TMEM121B: variants seen among roughly 807,000 people sequenced by gnomAD.
TMEM121B encodes the protein cat eye syndrome chromosome region, candidate 6.
Under a neutral mutation model 25.1 loss-of-function variants are expected in TMEM121B, and 14 were observed. The observed-to-expected ratio is 0.56, with a 90% CI of 0.37 to 0.87. The LOEUF is 0.87. Among genes scored for constraint, TMEM121B ranks in the 40% least tolerant of loss-of-function variants. The pLI is 0.00. For synonymous variants in TMEM121B, 458 were observed against 420.9 expected (o/e 1.09, Z -1.08); for missense variants, 850 against 854.6 (o/e 0.99, Z 0.07).
rs1244102190 is a variant in TMEM121B at position 17,119,967 on chromosome 22, G to C, written c.1161C>G (p.Pro387=). ...AGCATCCGGCCGCGCGGTGCCGCTG[G>C]GGCTGCAGCAGCAGGGGTCCTGCCG... is the stretch of plus-strand genomic sequence containing the variant. The part of the protein sequence containing the change: ...PGSAGPLLLQ[P]QRHRAAGCFL... Residue 387 remains proline, a synonymous_variant, in exon 1 of 1, where the codon CCC becomes CCG. Transcript: ENST00000331437. The C allele has an allele frequency of 6.9e-6, 11 of 1,585,210 alleles. No individual in the cohort carries two copies. Among genetic ancestry groups the C allele is most frequent in the Admixed American group, 1.8e-5 (1 of 57,092 alleles).
At position 17,121,110 on chromosome 22, in the gene TMEM121B, G is replaced by A. The variant is rs918592406; in HGVS notation, c.18C>T (p.Gly6=). 6 of 1,403,376 alleles carry A rather than the reference G, an allele frequency of 4.3e-6. No individual in the cohort carries two copies. The African/African-American group carries it at 6.0e-5, about 14-fold the overall frequency. The allele number at this position is 1,403,376 out of a possible 1,614,324, so 86.9% of individuals were successfully genotyped here. Residue 6 remains glycine (G), a synonymous_variant, in exon 1 of 1, where the codon GGC becomes GGT. Coordinates refer to ENST00000331437, the MANE Select transcript of TMEM121B (RefSeq NM_031890.4). MRPAL[G]HPRSVSSASG... ...ACGCGGAGGAGACCGAGCGAGGGTG[G>A]CCGAGCGCCGGGCGCATTGTCCTCC...
At position 17,120,942 on chromosome 22, in the gene TMEM121B, G is replaced by A. The variant is rs1192243242; in HGVS notation, c.186C>T (p.Gly62=). 2 of 1,411,224 alleles carry A rather than the reference G, an allele frequency of 1.4e-6. No homozygotes were observed. Among genetic ancestry groups the A allele is most frequent in the Non-Finnish European group, 1.8e-6 (2 of 1,084,318 alleles). 87.4% of individuals were successfully genotyped at this position (1,411,224 alleles called of 1,614,324 possible). Reference sequence around the variant, plus strand: ...TGCTGCTCGGGGAGCCGCCGCCCCCGCCGCGTCTGCCGCCGCCTCCCCCGC... The same window carrying A: ...TGCTGCTCGGGGAGCCGCCGCCCCCACCGCGTCTGCCGCCGCCTCCCCCGC... ...TSRGGGGGRR[G]GGGGSPSSST... is the part of the protein sequence containing the mutation. The change falls in exon 1 of 1, where the codon GGC becomes GGT. Residue 62 remains glycine (G), a synonymous_variant. Coordinates refer to ENST00000331437, the MANE Select transcript of TMEM121B (RefSeq NM_031890.4).
At position 17,121,299 on chromosome 22, in the gene TMEM121B, G is replaced by C. The variant is rs1425620817; in HGVS notation, c.-172C>G. On this transcript the variant is annotated 5_prime_UTR_variant, in exon 1 of 1. Transcript: ENST00000331437. Reference sequence around the variant, plus strand: ...CCGGACTGGAGCCACTGGACTGGGCGAGCCGGGCCGGGCGGCAGGGAGAGG... The same window carrying C: ...CCGGACTGGAGCCACTGGACTGGGCCAGCCGGGCCGGGCGGCAGGGAGAGG... The C allele has an allele frequency of 5.3e-6, 3 of 562,482 alleles. No homozygotes were observed. Among genetic ancestry groups the C allele is most frequent in the Non-Finnish European group, 7.8e-6 (3 of 383,264 alleles). 34.8% of individuals were successfully genotyped at this position (562,482 alleles called of 1,614,324 possible). A position where few individuals can be genotyped will look rare whatever the true frequency, so the allele number is the denominator to read the frequency against.
chr22:17,120,483 C>T lies in TMEM121B; in HGVS notation c.645G>A (p.Leu215=). ...VVLLLAQGGL[L]DLYLIAVTDL... ...CGGTGACGGCGATGAGGTACAGGTC[C>T]AGCAGGCCGCCCTGCGCCAGCAGCA... The change falls in exon 1 of 1, where the codon CTG becomes CTA. Residue 215 remains leucine (L), a synonymous_variant. Transcript: ENST00000331437. 2 of 1,584,356 alleles carry T rather than the reference C, an allele frequency of 1.3e-6. No homozygotes were observed. Among genetic ancestry groups the T allele is most frequent in the Non-Finnish European group, 1.7e-6 (2 of 1,169,520 alleles).
chr22:17,119,092 T>G lies in TMEM121B; in HGVS notation c.*299A>C. 3.0e-6 allele frequency: 1 copy of G among 338,716 alleles called. No homozygotes were observed. The highest frequency in any genetic ancestry group is 5.4e-6 in the Non-Finnish European group (1 of 184,426). The allele number at this position is 338,716 out of a possible 1,614,324, so 21.0% of individuals were successfully genotyped here. On this transcript the variant is annotated 3_prime_UTR_variant, in exon 1 of 1. Coordinates refer to ENST00000331437, the MANE Select transcript of TMEM121B (RefSeq NM_031890.4). Reference sequence around the variant, plus strand: ...CCAGCACCCCTCTCCTCCTAATGGATGGGAATTAGAGTGGAGGTGGGCAAA... The same window carrying G: ...CCAGCACCCCTCTCCTCCTAATGGAGGGGAATTAGAGTGGAGGTGGGCAAA...
In TMEM121B at chr22:17,120,329, G is replaced by A. The variant is rs1305883383; in HGVS notation, c.799C>T (p.His267Tyr). ...ASGAHNHHLH[H>Y]HHAAPPLHLP... ...TGCAGGGGCGGCGCGGCGTGGTGGTGGTGCAGGTGGTGGTTGTGCGCGCCG... is the reference window on the plus strand; with the variant it reads ...TGCAGGGGCGGCGCGGCGTGGTGGTAGTGCAGGTGGTGGTTGTGCGCGCCG... The change falls in exon 1 of 1, where the codon CAC becomes TAC. Residue 267 changes from histidine to tyrosine, a missense_variant. By Grantham distance (83) the His-to-Tyr change is moderately conservative (BLOSUM62 2). Transcript: ENST00000331437. The A allele has an allele frequency of 4.7e-6, 7 of 1,488,210 alleles. No homozygotes were observed. The East Asian group carries it at 8.2e-5, about 17-fold the overall frequency. The allele number at this position is 1,488,210 out of a possible 1,614,324, so 92.2% of individuals were successfully genotyped here. A position where few individuals can be genotyped will look rare whatever the true frequency, so the allele number is the denominator to read the frequency against.
Position 17,119,677 on chromosome 22 carries a change from A to AGCT in TMEM121B, c.1450_1451insAGC (p.Ala483_Leu484insGln), listed in dbSNP as rs1555876028. 4.5e-6 allele frequency: 7 copies of AGCT among 1,542,436 alleles called. No homozygotes were observed. Among genetic ancestry groups the AGCT allele is most frequent in the Admixed American group, 1.9e-5 (1 of 51,626 alleles). ...GTAGCTGACCACCAGGAGGCAGCGC[A>AGCT]GCGCCAGCAAGGGCACGTCCACCAG... On this transcript the variant is annotated inframe_insertion, in exon 1 of 1. Transcript: ENST00000331437.
rs2123828950 is a variant in TMEM121B at position 17,121,214 on chromosome 22, C to T, written c.-87G>A. The T allele has an allele frequency of 1.7e-6, 2 of 1,172,510 alleles. No homozygotes were observed. Among genetic ancestry groups the T allele is most frequent in the African/African-American group, 1.6e-5 (1 of 62,038 alleles). The allele number at this position is 1,172,510 out of a possible 1,614,324, so 72.6% of individuals were successfully genotyped here. On this transcript the variant is annotated 5_prime_UTR_variant, in exon 1 of 1. Transcript: ENST00000331437. ...AGGCGGGCTAGGCGGCCGAGGGGAG[C>T]CGGGGCCCGCCGCCTCCCCAGCAGT...
In TMEM121B at chr22:17,121,215, C is replaced by T. The variant is rs1413415276; in HGVS notation, c.-88G>A. 1 of 1,196,706 alleles carries T rather than the reference C, an allele frequency of 8.4e-7. No individual in the cohort carries two copies. The highest frequency in any genetic ancestry group is 1.1e-6 in the Non-Finnish European group (1 of 949,996). 74.1% of individuals were successfully genotyped at this position (1,196,706 alleles called of 1,614,324 possible). On this transcript the variant is annotated 5_prime_UTR_variant, in exon 1 of 1. Transcript: ENST00000331437. ...GGCGGGCTAGGCGGCCGAGGGGAGC[C>T]GGGGCCCGCCGCCTCCCCAGCAGTG... is the stretch of plus-strand genomic sequence containing the variant.
Position 17,118,872 on chromosome 22 carries a change from AG to A in TMEM121B, c.*518del, listed in dbSNP as rs1253054730. 1 of 154,000 alleles carries A rather than the reference AG, an allele frequency of 6.5e-6. No homozygotes were observed. Among genetic ancestry groups the A allele is most frequent in the Admixed American group, 6.5e-5 (1 of 15,280 alleles). 9.5% of individuals were successfully genotyped at this position (154,000 alleles called of 1,614,324 possible). ...TCCCCAGATCTCCTACCCATTGCAAAGGGCCACAGGGTGGACACGAGAAAAC... is the reference window on the plus strand; with the variant it reads ...TCCCCAGATCTCCTACCCATTGCAAAGGCCACAGGGTGGACACGAGAAAAC... On this transcript the variant is annotated 3_prime_UTR_variant, in exon 1 of 1. Transcript: ENST00000331437.
chr22:17,119,631 G>T lies in TMEM121B; in HGVS notation c.1497C>A (p.Phe499Leu). 6.5e-7 allele frequency: 1 copy of T among 1,541,824 alleles called. No homozygotes were observed. Residue 499 changes from phenylalanine to leucine, a missense_variant, in exon 1 of 1, where the codon TTC (phenylalanine) becomes TTA (leucine). Physicochemically the swap from Phe to Leu is conservative, Grantham distance 22. Transcript: ENST00000331437. Reference protein sequence around the residue: ...VVSYQQPLSIFMLKNLFFLGC... With the variant: ...VVSYQQPLSILMLKNLFFLGC... ...CGAGGAAGAAGAGGTTCTTGAGCAT[G>T]AAGATGGAGAGGGGCTGCTGGTAGC...
chr22:17,119,405 C>A lies in TMEM121B; in HGVS notation c.1723G>T (p.Ala575Ser), dbSNP rs1568929017. 1 of 1,601,502 alleles carries A rather than the reference C, an allele frequency of 6.2e-7. No individual in the cohort carries two copies. Among genetic ancestry groups the A allele is most frequent in the Non-Finnish European group, 8.5e-7 (1 of 1,174,212 alleles). Residue 575 changes from alanine to serine, a missense_variant, in exon 1 of 1, where the codon GCC (alanine) becomes TCC (serine). Coordinates refer to ENST00000331437, the MANE Select transcript of TMEM121B (RefSeq NM_031890.4). ...GCCCTTCACCCTCAATTCTGAGAGGCCACAGCCAGGGTGTTGACATAGCCA... is the reference window on the plus strand; with the variant it reads ...GCCCTTCACCCTCAATTCTGAGAGGACACAGCCAGGGTGTTGACATAGCCA... ...AHGYVNTLAV[A>S]SQN
Position 17,120,005 on chromosome 22 carries a change from C to T in TMEM121B, c.1123G>A (p.Ala375Thr), listed in dbSNP as rs371295778. 8.4e-5 allele frequency: 134 copies of T among 1,602,742 alleles called. No homozygotes were observed. The East Asian group carries it at 1.4e-3, about 16-fold the overall frequency. ...SLVRAISEAG[A>T]PPGSAGPLLL... The stretch of plus-strand genomic sequence containing the variant: ...AGGGGTCCTGCCGATCCCGGGGGCG[C>T]GCCCGCCTCGCTGATGGCCCGCACC... Residue 375 changes from alanine to threonine, a missense_variant, in exon 1 of 1, where the codon GCG becomes ACG. Transcript: ENST00000331437.
rs2061478110 is a variant in TMEM121B at position 17,118,106 on chromosome 22, A to G, written c.*1285T>C. On this transcript the variant is annotated 3_prime_UTR_variant, in exon 1 of 1. Transcript: ENST00000331437. Reference sequence around the variant, plus strand: ...TACTTATCCTGCCTCAAAGACTGCAAGAGTGACATTCCACACCGACTGTAA... The same window carrying G: ...TACTTATCCTGCCTCAAAGACTGCAGGAGTGACATTCCACACCGACTGTAA... The G allele has an allele frequency of 6.6e-6, 1 of 152,256 alleles. No homozygotes were observed. Among genetic ancestry groups the G allele is most frequent in the African/African-American group, 2.4e-5 (1 of 41,466 alleles). 9.4% of individuals were successfully genotyped at this position (152,256 alleles called of 1,614,324 possible). A position where few individuals can be genotyped will look rare whatever the true frequency, so the allele number is the denominator to read the frequency against.
rs1253880796 is a variant in TMEM121B, at chr22:17,120,795, G to A, written c.333C>T (p.Val111=). 3.2e-6 allele frequency: 4 copies of A among 1,238,706 alleles called. No individual in the cohort carries two copies. Among genetic ancestry groups the A allele is most frequent in the Admixed American group, 4.3e-5 (1 of 23,150 alleles). The allele number at this position is 1,238,706 out of a possible 1,614,324, so 76.7% of individuals were successfully genotyped here. A position where few individuals can be genotyped will look rare whatever the true frequency, so the allele number is the denominator to read the frequency against. Residue 111 remains valine, a synonymous_variant, in exon 1 of 1, where the codon GTC becomes GTT. Coordinates refer to ENST00000331437, the MANE Select transcript of TMEM121B (RefSeq NM_031890.4). ...AGGTGGCCGCTGAGGAGGAGAAGGC[G>A]ACAGGCGCGGGGCCGGCGGGGGCGC... ...QVGAPAGPAP[V]AFSSSAATSS...
Position 17,119,545 on chromosome 22 carries a change from C to A in TMEM121B, c.1583G>T (p.Ser528Ile). Residue 528 changes from serine to isoleucine, a missense_variant, in exon 1 of 1, where the codon AGT becomes ATT. Ser to Ile is a moderately radical substitution (Grantham distance 142). Coordinates refer to ENST00000331437, the MANE Select transcript of TMEM121B (RefSeq NM_031890.4). ...AGCACCGTAGCCCCCTCTGGCCCGA[C>A]TCGGGGAGGCCCGATTGCCCCGGTC... ...CWDRGNRASP[S>I]RARGGYGAPP... The A allele has an allele frequency of 2.6e-6, 4 of 1,553,960 alleles. No homozygotes were observed. Among genetic ancestry groups the A allele is most frequent in the Non-Finnish European group, 3.5e-6 (4 of 1,150,912 alleles).
Position 17,120,794 on chromosome 22 carries a change from C to T in TMEM121B, c.334G>A (p.Ala112Thr). ...GAGGTGGCCGCTGAGGAGGAGAAGGCGACAGGCGCGGGGCCGGCGGGGGCG... is the reference window on the plus strand; with the variant it reads ...GAGGTGGCCGCTGAGGAGGAGAAGGTGACAGGCGCGGGGCCGGCGGGGGCG... Reference protein sequence around the residue: ...VGAPAGPAPVAFSSSAATSSS... With the variant: ...VGAPAGPAPVTFSSSAATSSS... The change falls in exon 1 of 1, where the codon GCC becomes ACC. Residue 112 changes from alanine (A) to threonine (T), a missense_variant. Transcript: ENST00000331437. 1 of 1,236,772 alleles carries T rather than the reference C, an allele frequency of 8.1e-7. No homozygotes were observed. Among genetic ancestry groups the T allele is most frequent in the Non-Finnish European group, 1.0e-6 (1 of 990,832 alleles). 76.6% of individuals were successfully genotyped at this position (1,236,772 alleles called of 1,614,324 possible). A position where few individuals can be genotyped will look rare whatever the true frequency, so the allele number is the denominator to read the frequency against.
Position 17,120,348 on chromosome 22 carries a change from C to T in TMEM121B, c.780G>A (p.Ala260=). 1 of 1,530,906 alleles carries T rather than the reference C, an allele frequency of 6.5e-7. No homozygotes were observed. Among genetic ancestry groups the T allele is most frequent in the Non-Finnish European group, 8.7e-7 (1 of 1,146,222 alleles). The allele number at this position is 1,530,906 out of a possible 1,614,324, so 94.8% of individuals were successfully genotyped here. The change falls in exon 1 of 1, where the codon GCG becomes GCA. Residue 260 remains alanine (A), a synonymous_variant. Coordinates refer to ENST00000331437, the MANE Select transcript of TMEM121B (RefSeq NM_031890.4). ...RGRRGGAASG[A]HNHHLHHHHA... Reference sequence around the variant, plus strand: ...GGTGGTGGTGCAGGTGGTGGTTGTGCGCGCCGCTGGCTGCGCCGCCCCGAC... The same window carrying T: ...GGTGGTGGTGCAGGTGGTGGTTGTGTGCGCCGCTGGCTGCGCCGCCCCGAC...
At position 17,120,210 on chromosome 22, in the gene TMEM121B, C is replaced by A; in HGVS notation, c.918G>T (p.Ala306=). Residue 306 remains alanine, a synonymous_variant, in exon 1 of 1, where the codon GCG becomes GCT. Coordinates refer to ENST00000331437, the MANE Select transcript of TMEM121B (RefSeq NM_031890.4). ...GGAGGGLGAA[A]AAGEFAFAYL... is the part of the protein sequence containing the mutation. The stretch of plus-strand genomic sequence containing the variant: ...AGGCGAAGGCGAACTCGCCCGCTGC[C>A]GCGGCCGCCCCCAGGCCGCCCCCCG... 6.7e-7 allele frequency: 1 copy of A among 1,481,616 alleles called. No individual in the cohort carries two copies. 91.8% of individuals were successfully genotyped at this position (1,481,616 alleles called of 1,614,324 possible).
Sources: gnomAD v4.1 joint callset for allele counts on GRCh38, gnomAD v4.1.1 for gene constraint, MANE v1.5 for transcripts, NCBI Gene and HGNC (gene_info 2026-07-23, HGNC 2026-07-21) for gene names.